The following CSMD1 variants were observed in gnomAD, a reference collection of about 807,000 sequenced individuals.
CSMD1 encodes CUB and sushi domain-containing protein 1.
CSMD1 carries 213 observed loss-of-function variants against 417.5 expected under a neutral mutation model. The ratio of observed to expected loss-of-function variants is 0.51; its 90% CI spans 0.46 to 0.57. The LOEUF (loss-of-function observed/expected upper bound fraction) is 0.57, where lower values mean the gene tolerates loss of function less well. CSMD1 is among the 20% of genes least tolerant of loss of function. CSMD1 has a pLI of 0.00. For missense variants in CSMD1, 6,923 were observed against 4,529.7 expected (o/e 1.53, Z -15.17); for synonymous variants, 2,862 against 1,736.8 (o/e 1.65, Z -16.11).
intron 6 of CSMD1, among the ~76,000 whole-genome samples, chr8:3,714,983 T>A (rs908986400): frequency 1.3e-5 from 2 of 152,224 alleles, no homozygotes; most frequent in Non-Finnish European, 2.9e-5. Context: ...TAATAAATTA[T>A]TTTCTAATAT....
chr8:4,378,167 T>C (rs2128917007), intron 3 of CSMD1, among the ~76,000 whole-genome samples: 1 of 152,342 alleles, frequency 6.6e-6, no homozygotes, highest in African/African-American at 2.4e-5. Context: ...TCACTTATAC[T>C]CTAGATATTG....
chr8:3,669,614 C>G lies in CSMD1; in HGVS notation c.1009+38800G>C, dbSNP rs192931387. 1.9e-4 allele frequency among the ~76,000 whole-genome samples: 29 copies of G among 152,294 alleles called. No individual in the cohort carries two copies. The East Asian group carries it at 5.6e-3, about 29-fold the overall frequency. On this transcript the variant is annotated intron_variant, in intron 7 of 69. Transcript: ENST00000635120. ...GGACAGAAAATCACGACAGGGAAGA[C>G]AAGCTGGGTATTCGCCCGCTGGGTA...
At chr8:4,308,318 G>A (rs1018342209) in intron 3 of CSMD1, among the ~76,000 whole-genome samples, 1 of 151,822 alleles carries the variant, frequency 6.6e-6, no homozygotes, top group Non-Finnish European at 1.5e-5. Context: ...TGTGTGGGGT[G>A]GTGTATCTGG....
chr8:4,831,917 C>T (rs1800176727), intron 1 of CSMD1, among the ~76,000 whole-genome samples: 1 of 152,060 alleles, frequency 6.6e-6, no homozygotes, highest in Non-Finnish European at 1.5e-5. Flanking sequence ...GACACACTCC[C>T]CTGAAAGCTG....
intron 6 of CSMD1, among the ~76,000 whole-genome samples, chr8:3,727,539 G>A (rs914538404): frequency 1.5e-4 from 23 of 152,266 alleles, no homozygotes; most frequent in Non-Finnish European, 2.6e-4. Context: ...GGCAGCTGTC[G>A]TGAAAAAACA....
At chr8:3,216,981 C>A (rs1265620982) in intron 29 of CSMD1, among the ~76,000 whole-genome samples, 1 of 152,164 alleles carries the variant, frequency 6.6e-6, no homozygotes, top group African/African-American at 2.4e-5. Flanking sequence ...GATGCAATGG[C>A]ATCACTGCTT....
chr8:4,865,293 C>G (rs1029307978), intron 1 of CSMD1, among the ~76,000 whole-genome samples: 9 of 151,908 alleles, frequency 5.9e-5, no homozygotes, highest in Non-Finnish European at 7.4e-5. Flanking sequence ...CATACTGCTT[C>G]TGTTTTGAAT....
At chr8:4,651,235 C>G (rs1296744561) in intron 1 of CSMD1, among the ~76,000 whole-genome samples, 1 of 152,062 alleles carries the variant, frequency 6.6e-6, no homozygotes, top group Admixed American at 6.5e-5. Context: ...ACCTGGCAAA[C>G]AGCAAGAGGA....
rs147575450 is a variant in CSMD1 at position 4,236,979 on chromosome 8, C to G, written c.415+182974G>C. ...AGGAAGCAGTTACACTGAGGACCAA[C>G]TATTTTCTCACACACACAAGATCTT... On this transcript the variant is annotated intron_variant, in intron 3 of 69. Coordinates refer to ENST00000635120, the MANE Select transcript of CSMD1 (RefSeq NM_033225.6). Among the ~76,000 whole-genome samples the G allele has an allele frequency of 2.0e-3, 299 of 152,310 alleles. 2 individuals are homozygous for G. The highest frequency in any genetic ancestry group is 6.2e-3 in the African/African-American group (259 of 41,570).
intron 25 of CSMD1, among the ~76,000 whole-genome samples, chr8:3,287,766 C>G (rs930094277): frequency 2.0e-5 from 3 of 152,066 alleles, no homozygotes; most frequent in East Asian, 3.9e-4. Context: ...AATTTGACTT[C>G]CTCTTTTCCT....
chr8:4,341,732 A>G (rs1193515763), intron 3 of CSMD1, among the ~76,000 whole-genome samples: 2 of 152,160 alleles, frequency 1.3e-5, no homozygotes, highest in Non-Finnish European at 2.9e-5. Flanking sequence ...TCAACAAATT[A>G]GAATTAGGCA....
chr8:3,937,045 T>G (rs11986920), intron 5 of CSMD1, among the ~76,000 whole-genome samples: 1 of 151,988 alleles, frequency 6.6e-6, no homozygotes, highest in African/African-American at 2.4e-5. Context: ...TTCAGACATG[T>G]TGAAAACAGC....
At chr8:4,592,123 A>G (rs1191285655) in intron 2 of CSMD1, among the ~76,000 whole-genome samples, 2 of 151,914 alleles carry the variant, frequency 1.3e-5, no homozygotes, top group African/African-American at 4.8e-5. Context: ...TTGCTGGCAT[A>G]ACGGATTCCT....
chr8:3,264,790 C>A (rs1002078597), intron 26 of CSMD1, among the ~76,000 whole-genome samples: 2 of 152,000 alleles, frequency 1.3e-5, no homozygotes, highest in African/African-American at 4.8e-5. Context: ...TAAACCCAGG[C>A]CAGAAACAGT....
At chr8:4,662,624 T>C (rs1282715746) in intron 1 of CSMD1, among the ~76,000 whole-genome samples, 2 of 152,182 alleles carry the variant, frequency 1.3e-5, no homozygotes, top group African/African-American at 2.4e-5. Flanking sequence ...TCTCACATCA[T>C]GTTCTTCAGA....
At chr8:4,223,183 A>G (rs1443047151) in intron 3 of CSMD1, among the ~76,000 whole-genome samples, 1 of 152,114 alleles carries the variant, frequency 6.6e-6, no homozygotes, top group Non-Finnish European at 1.5e-5. Context: ...GGGAGTTAAT[A>G]AAAGTCACTT....
chr8:3,173,132 T>C (rs543933719), intron 37 of CSMD1, among the ~76,000 whole-genome samples: 1 of 152,338 alleles, frequency 6.6e-6, no homozygotes, highest in East Asian at 1.9e-4. Context: ...ACCATGTGAT[T>C]ACGTAATTTA....
At chr8:3,425,103 G>C (rs1813747042) in intron 12 of CSMD1, among the ~76,000 whole-genome samples, 1 of 152,146 alleles carries the variant, frequency 6.6e-6, no homozygotes, top group Non-Finnish European at 1.5e-5. Context: ...GCATCCCAAA[G>C]CGCCACCATG....
At chr8:4,479,284 G>C (rs551198689) in intron 2 of CSMD1, among the ~76,000 whole-genome samples, 21 of 152,242 alleles carry the variant, frequency 1.4e-4, no homozygotes, top group African/African-American at 4.8e-4. Flanking sequence ...GCATTTGTTT[G>C]CTTGTGAATG....
Sources: allele counts gnomAD v4.1 joint callset (sites outside exome capture counted in the v4.1 genomes callset), GRCh38; gene constraint gnomAD v4.1.1; transcripts MANE v1.5; gene names NCBI Gene and HGNC (gene_info 2026-07-23, HGNC 2026-07-21).